The following ACADL variants were observed in gnomAD, a reference collection of about 807,000 sequenced individuals.
The protein encoded by ACADL is acyl-CoA dehydrogenase long chain, also known as long-chain specific acyl-CoA dehydrogenase, mitochondrial.
Under a neutral mutation model 56.9 loss-of-function variants are expected in ACADL, and 60 were observed. The observed-to-expected ratio is 1.05, with a 90% CI of 0.86 to 1.31. The LOEUF (loss-of-function observed/expected upper bound fraction) is 1.31. Among genes scored for constraint, ACADL ranks in the 50% most tolerant of loss-of-function variants. ACADL has a pLI of 0.00. For missense variants in ACADL, 484 were observed against 525.5 expected (o/e 0.92, Z 0.77); for synonymous variants, 158 against 179.7 (o/e 0.88, Z 0.97).
intron 2 of ACADL, 131 bp downstream of exon 2, chr2:210,220,516 T>G: frequency 1.3e-6 from 1 of 786,744 alleles, no homozygotes; most frequent in Non-Finnish European, 2.1e-6. Flanking sequence ...AGTACTACAG[T>G]GAAGAGCAGT....
chr2:210,204,521 A>G, intron 7 of ACADL, 60 bp downstream of exon 7: 4 of 1,250,046 alleles, frequency 3.2e-6, no homozygotes, highest in Non-Finnish European at 4.7e-6. Flanking sequence ...ACATGTTTCT[A>G]TATTATTCTA....
In ACADL at chr2:210,205,585, A is replaced by G. The variant is rs1292215035; in HGVS notation, c.768+47T>C. 3.8e-6 allele frequency: 6 copies of G among 1,587,794 alleles called. No individual in the cohort carries two copies. In the Admixed American group the frequency reaches 1.0e-4, roughly 27 times the overall value. On this transcript the variant is annotated intron_variant, in intron 6 of 10. Coordinates refer to ENST00000233710, the MANE Select transcript of ACADL (RefSeq NM_001608.4). ...TCTATGTAAGTCTCCTATCTGATTA[A>G]CAGTAAACTCAATTAGTATCTGAAT...
chr2:210,217,686 AG>A, intron 3 of ACADL: 1 of 363,058 alleles, frequency 2.8e-6, no homozygotes. Flanking sequence ...ATCTTTTCTA[AG>A]GGGGAAAAGT....
chr2:210,213,860 A>G (rs1689028887), intron 4 of ACADL, among the ~76,000 whole-genome samples: 1 of 152,130 alleles, frequency 6.6e-6, no homozygotes, highest in South Asian at 2.1e-4. Context: ...TATATTCCAT[A>G]TATCTTATTA....
chr2:210,214,138 T>G (rs1392670758), intron 4 of ACADL, among the ~76,000 whole-genome samples: 1 of 152,150 alleles, frequency 6.6e-6, no homozygotes, highest in African/African-American at 2.4e-5. Context: ...AAAGGGCCAG[T>G]GAAACTCTGG....
intron 4 of ACADL, among the ~76,000 whole-genome samples, chr2:210,214,467 A>AAAAAAAAGAAAGAAAG (rs768537049): frequency 8.2e-6 from 1 of 122,336 alleles, no homozygotes; most frequent in Non-Finnish European, 1.6e-5. Context: ...GACCTTCCAA[A>AAAAAAAAGAAAGAAAG]AAAGAAAGAA....
intron 3 of ACADL, chr2:210,216,743 G>C (rs1202935684): frequency 2.1e-6 from 1 of 468,638 alleles, no homozygotes; most frequent in African/African-American, 2.0e-5. Flanking sequence ...TTAATTGAGA[G>C]ATAAAATATT....
chr2:210,208,824 C>T (rs1509571), intron 5 of ACADL, among the ~76,000 whole-genome samples: 134,503 of 152,268 alleles, frequency 0.88, 59,651 homozygotes, highest in East Asian at 1. Context: ...TCAGATGCAC[C>T]GTATTTGCTT....
At chr2:210,210,600 C>T (rs1237177107) in intron 4 of ACADL, among the ~76,000 whole-genome samples, 2 of 152,144 alleles carry the variant, frequency 1.3e-5, no homozygotes, top group Admixed American at 6.6e-5. Flanking sequence ...TCACCATGTA[C>T]TTTGCTGCCT....
At chr2:210,222,026 G>T (rs1468990497) in intron 1 of ACADL, among the ~76,000 whole-genome samples, 1 of 152,160 alleles carries the variant, frequency 6.6e-6, no homozygotes, top group Non-Finnish European at 1.5e-5. Flanking sequence ...ATTGTGCCCA[G>T]TCGCTATTAC....
Position 210,210,223 on chromosome 2 carries a change from T to G in ACADL, c.576A>C (p.Gly192=). The change falls in exon 5 of 11, where the codon GGA becomes GGC. Residue 192 remains glycine, a synonymous_variant. Coordinates refer to ENST00000233710, the MANE Select transcript of ACADL (RefSeq NM_001608.4). ...QGIKTNAKKD[G]SDWILNGSKV... ...TGCTTCCATTGAGAATCCAGTCACT[T>G]CCATCCTTTTTAGCATTTGTTTTTA... 1 of 1,612,904 alleles carries G rather than the reference T, an allele frequency of 6.2e-7. No individual in the cohort carries two copies. The highest frequency in any genetic ancestry group is 8.5e-7 in the Non-Finnish European group (1 of 1,179,142).
intron 3 of ACADL, 27 bp downstream of exon 3, chr2:210,217,938 C>T (rs1689113854): frequency 4.3e-6 from 7 of 1,613,546 alleles, no homozygotes; most frequent in African/African-American, 2.7e-5. Flanking sequence ...CAAAACAAGA[C>T]TCAACCTTAA....
chr2:210,206,464 AAAAG>A (rs1466368884), intron 5 of ACADL, among the ~76,000 whole-genome samples: 3 of 152,082 alleles, frequency 2.0e-5, no homozygotes, highest in Non-Finnish European at 4.4e-5. Context: ...AAGAAAAATA[AAAAG>A]AAAGAAAATC....
intron 6 of ACADL, among the ~76,000 whole-genome samples, chr2:210,205,109 C>A (rs948833988): frequency 1.3e-5 from 2 of 152,076 alleles, no homozygotes; most frequent in African/African-American, 4.8e-5. Context: ...TCACTGCAAC[C>A]TCTGCCTCCT....
chr2:210,215,718 A>G (rs1434948575), intron 4 of ACADL, among the ~76,000 whole-genome samples: 1 of 152,112 alleles, frequency 6.6e-6, no homozygotes, highest in East Asian at 1.9e-4. Context: ...GTTTTTCCCT[A>G]TCCCACCAAA....
chr2:210,197,593 T>G (rs1463349905), intron 8 of ACADL, among the ~76,000 whole-genome samples: 1 of 152,192 alleles, frequency 6.6e-6, no homozygotes, highest in Admixed American at 6.5e-5. Context: ...ACTCCTAGTT[T>G]AGTTCAATGA....
At chr2:210,213,580 A>G (rs935014787) in intron 4 of ACADL, among the ~76,000 whole-genome samples, 4 of 152,192 alleles carry the variant, frequency 2.6e-5, no homozygotes, top group Non-Finnish European at 5.9e-5. Context: ...TTTTTCCTAA[A>G]TTTTTGAATG....
intron 2 of ACADL, chr2:210,218,457 A>AC (rs1263010548): frequency 1.2e-5 from 3 of 242,414 alleles, no homozygotes; most frequent in African/African-American, 7.0e-5. Flanking sequence ...ATTAAAAAAA[A>AC]ATTTTTTTTT....
chr2:210,224,467 CA>C (rs1215616081), intron 1 of ACADL: 4 of 985,136 alleles, frequency 4.1e-6, no homozygotes, highest in Non-Finnish European at 4.8e-6. Context: ...TCCATGCTTC[CA>C]ATTTGTTTAC....
Sources: allele counts gnomAD v4.1 joint callset (sites outside exome capture counted in the v4.1 genomes callset), GRCh38; gene constraint gnomAD v4.1.1; transcripts MANE v1.5; gene names NCBI Gene and HGNC (gene_info 2026-07-23, HGNC 2026-07-21).